The following SEC14L5 variants were observed in gnomAD, a reference collection of about 807,000 sequenced individuals.
SEC14L5 encodes the protein SEC14 like lipid binding 5.
A neutral mutation model predicts 84.6 loss-of-function variants in SEC14L5; 96 were observed. The observed-to-expected ratio is 1.13, with a 90% CI of 0.96 to 1.34. The LOEUF (loss-of-function observed/expected upper bound fraction) is 1.34, where lower values mean the gene tolerates loss of function less well. SEC14L5 is among the 40% of genes most tolerant of loss of function. The pLI, the probability that SEC14L5 is intolerant of heterozygous loss-of-function variation, is 0.00. For missense variants in SEC14L5, 1,224 were observed against 942.5 expected (o/e 1.30, Z -3.91); for synonymous variants, 546 against 383.4 (o/e 1.42, Z -4.95).
At chr16:4,994,611 T>C in intron 6 of SEC14L5, among the ~76,000 whole-genome samples, 1 of 152,194 alleles carries the variant, frequency 6.6e-6, no homozygotes, top group East Asian at 1.9e-4. Context: ...CCCAAAGTGC[T>C]GAAATTACAT....
intron 14 of SEC14L5, 116 bp from the exon 15 acceptor site, chr16:5,010,979 A>G: frequency 4.1e-6 from 4 of 965,024 alleles, no homozygotes; most frequent in Non-Finnish European, 6.1e-6. Context: ...AGAAAGGGAC[A>G]GAGGGAGAAG....
chr16:4,960,293 A>G (rs1955104478), intron 2 of SEC14L5, among the ~76,000 whole-genome samples: 1 of 152,194 alleles, frequency 6.6e-6, no homozygotes, highest in African/African-American at 2.4e-5. Flanking sequence ...CCGGGCACAC[A>G]GTAGGAGCTC....
intron 2 of SEC14L5, among the ~76,000 whole-genome samples, chr16:4,975,105 A>C (rs1048813935): frequency 7.9e-5 from 12 of 152,138 alleles, no homozygotes; most frequent in Non-Finnish European, 1.6e-4. Flanking sequence ...GCTCTCACTT[A>C]TAAGTGAGAA....
rs1596651496 is a variant in SEC14L5 at position 5,017,484 on chromosome 16, T to C, written c.*2514T>C. On this transcript the variant is annotated 3_prime_UTR_variant, in exon 16 of 16. Coordinates refer to ENST00000251170, the MANE Select transcript of SEC14L5 (RefSeq NM_014692.2). ...TCTTTCTTCCACCTGGCGGGAAAGA[T>C]GGCTGCCAGCAGCCCCAAGCCTATA... 6.6e-6 allele frequency: 1 copy of C among 152,406 alleles called. No individual in the cohort carries two copies. Among genetic ancestry groups the C allele is most frequent in the Non-Finnish European group, 1.5e-5 (1 of 68,092 alleles). 9.4% of individuals were successfully genotyped at this position (152,406 alleles called of 1,614,324 possible).
chr16:5,013,748 AG>A (rs1955835428), intron 15 of SEC14L5, among the ~76,000 whole-genome samples: 1 of 151,812 alleles, frequency 6.6e-6, no homozygotes, highest in South Asian at 2.1e-4. Context: ...TAGTGGAGAC[AG>A]GTTTCGCCAT....
intron 12 of SEC14L5, 87 bp from the exon 13 acceptor site, chr16:5,007,265 T>G: frequency 7.6e-7 from 1 of 1,308,050 alleles, no homozygotes. Flanking sequence ...ATGAGTGGCT[T>G]TGGGGGTCAC....
chr16:5,008,352 C>T, intron 13 of SEC14L5, 69 bp from the exon 14 acceptor site: 1 of 1,157,250 alleles, frequency 8.6e-7, no homozygotes, highest in Non-Finnish European at 1.3e-6. Context: ...GCCCCTCCTG[C>T]CACTGTGTTC....
At chr16:4,992,907 C>A (rs1019178095) in intron 6 of SEC14L5, among the ~76,000 whole-genome samples, 1 of 152,174 alleles carries the variant, frequency 6.6e-6, no homozygotes, top group South Asian at 2.1e-4. Context: ...TACGTGAGAA[C>A]ATATACATTC....
intron 2 of SEC14L5, among the ~76,000 whole-genome samples, chr16:4,961,886 A>T (rs1275972402): frequency 6.6e-6 from 1 of 152,128 alleles, no homozygotes; most frequent in Non-Finnish European, 1.5e-5. Context: ...GGGTCTTAGA[A>T]CATGTGAGCT....
chr16:4,987,774 G>C, intron 3 of SEC14L5, 68 bp downstream of exon 3: 2 of 1,220,704 alleles, frequency 1.6e-6, no homozygotes, highest in Non-Finnish European at 2.2e-6. Context: ...GGCTGGGCGC[G>C]GGAGCTGGGG....
intron 6 of SEC14L5, among the ~76,000 whole-genome samples, chr16:4,992,343 C>T (rs1205243742): frequency 2.0e-5 from 3 of 152,220 alleles, no homozygotes; most frequent in Admixed American, 6.5e-5. Context: ...CTCCGCCCCC[C>T]GGGTTCAAGT....
chr16:4,984,869 C>T (rs1241661075), intron 2 of SEC14L5, among the ~76,000 whole-genome samples: 4 of 152,088 alleles, frequency 2.6e-5, no homozygotes, highest in Non-Finnish European at 5.9e-5. Flanking sequence ...GATCTTCTGC[C>T]ATTTTAAAAT....
At chr16:5,006,473 C>G (rs1050777528) in intron 12 of SEC14L5, among the ~76,000 whole-genome samples, 3 of 152,196 alleles carry the variant, frequency 2.0e-5, no homozygotes, top group Non-Finnish European at 2.9e-5. Flanking sequence ...CCCACAGCCA[C>G]ACAGCCTGAA....
intron 2 of SEC14L5, among the ~76,000 whole-genome samples, chr16:4,964,018 T>C (rs73522938): frequency 0.16 from 24,447 of 152,126 alleles, 3,404 homozygotes; most frequent in East Asian, 0.52. Flanking sequence ...TTCCGTATCA[T>C]TGGGTTCAAA....
At position 5,011,377 on chromosome 16, in the gene SEC14L5, G is replaced by A. The variant is rs1016567255; in HGVS notation, c.1979+104G>A. The A allele has an allele frequency of 2.1e-5, 25 of 1,198,074 alleles. No individual in the cohort carries two copies. The Admixed American group carries it at 5.7e-4, about 27-fold the overall frequency. 74.2% of individuals were successfully genotyped at this position (1,198,074 alleles called of 1,614,324 possible). On this transcript the variant is annotated intron_variant, in intron 15 of 15. Transcript: ENST00000251170. ...CTCCCAGCTGGGTCAGCTTCTCCCG[G>A]GGTGGGACCCCAGCATGGGTATGGT... is the stretch of plus-strand genomic sequence containing the variant.
Position 5,011,287 on chromosome 16 carries a change from G to T in SEC14L5, c.1979+14G>T, listed in dbSNP as rs768227710. On this transcript the variant is annotated intron_variant, in intron 15 of 15. Transcript: ENST00000251170. ...TGAGGACTTCAGGTAGGAGGGCTCC[G>T]GAGCGGGGTCCTGGGCAGGAAGGAC... 3 of 1,607,676 alleles carry T rather than the reference G, an allele frequency of 1.9e-6. No homozygotes were observed. The highest frequency in any genetic ancestry group is 2.6e-6 in the Non-Finnish European group (3 of 1,175,018).
In SEC14L5 at chr16:4,991,890, C is replaced by A; in HGVS notation, c.527C>A (p.Ser176Ter). 2 of 1,609,728 alleles carry A rather than the reference C, an allele frequency of 1.2e-6. No homozygotes were observed. Among genetic ancestry groups the A allele is most frequent in the South Asian group, 2.2e-5 (2 of 90,358 alleles). Residue 176 changes from serine (S) to a stop codon, truncating the protein, a stop_gained, in exon 6 of 16, where the codon TCG (serine) becomes TAG (stop). Coordinates refer to ENST00000251170, the MANE Select transcript of SEC14L5 (RefSeq NM_014692.2). LOFTEE classifies it high-confidence loss of function. ...AATGAGCTCATCTCCCAGGGTACCTCGCACATTCCGCGCTGGACGCCTGCC... is the reference window on the plus strand; with the variant it reads ...AATGAGCTCATCTCCCAGGGTACCTAGCACATTCCGCGCTGGACGCCTGCC... Reference protein sequence around the residue: ...YLNELISQGTSHIPRWTPAPV... With the variant: ...YLNELISQGT
rs575540146 is a variant in SEC14L5, at chr16:4,990,630, ACC to A, written c.346-134_346-133del. 163 of 767,938 alleles carry A rather than the reference ACC, an allele frequency of 2.1e-4. No individual in the cohort carries two copies. In the African/African-American group the frequency reaches 2.8e-3, roughly 13 times the overall value. The allele number at this position is 767,938 out of a possible 1,614,324, so 47.6% of individuals were successfully genotyped here. A position where few individuals can be genotyped will look rare whatever the true frequency, so the allele number is the denominator to read the frequency against. On this transcript the variant is annotated intron_variant, in intron 4 of 15. Transcript: ENST00000251170. ...TGGGTGGGGGCCCCTTGGTCCTGCT[ACC>A]CCATCCAGGGTTGCCAGGCTTGATC...
At chr16:4,988,092 T>C (rs1160904614) in intron 3 of SEC14L5, 57 bp from the exon 4 acceptor site, 8 of 1,600,178 alleles carry the variant, frequency 5.0e-6, no homozygotes, top group Non-Finnish European at 6.8e-6. Context: ...TCGCTCTCCA[T>C]TCCTGTGTGC....
Sources: allele counts gnomAD v4.1 joint callset (sites outside exome capture counted in the v4.1 genomes callset), GRCh38; gene constraint gnomAD v4.1.1; transcripts MANE v1.5; gene names NCBI Gene and HGNC (gene_info 2026-07-23, HGNC 2026-07-21).